The following HIVEP1 variants were observed in gnomAD, a reference collection of about 807,000 sequenced individuals.
The protein encoded by HIVEP1 is zinc finger protein 40.
In HIVEP1, 36 loss-of-function variants were observed where a neutral mutation model predicts 180.0. The ratio of observed to expected loss-of-function variants is 0.20; its 90% CI spans 0.15 to 0.26. The LOEUF (loss-of-function observed/expected upper bound fraction) is 0.26, where lower values mean the gene tolerates loss of function less well. Ranked by LOEUF, HIVEP1 falls within the 10% of genes least tolerant of loss-of-function variation. HIVEP1 has a pLI of 1.00. For missense variants in HIVEP1, 3,143 were observed against 3,268.7 expected (o/e 0.96, Z 0.94); for synonymous variants, 1,239 against 1,239.0 (o/e 1.00, Z 0.00).
At chr6:12,155,471 C>T (rs1042528810) in intron 7 of HIVEP1, among the ~76,000 whole-genome samples, 4 of 147,702 alleles carry the variant, frequency 2.7e-5, no homozygotes, top group Admixed American at 7.0e-5. Context: ...CTCGTGTTTT[C>T]GTCATTCAGC....
chr6:12,120,754 C>T lies in HIVEP1; in HGVS notation c.959C>T (p.Ala320Val). 6.2e-7 allele frequency: 1 copy of T among 1,614,158 alleles called. No individual in the cohort carries two copies. The highest frequency in any genetic ancestry group is 8.5e-7 in the Non-Finnish European group (1 of 1,180,040). The change falls in exon 4 of 9, where the codon GCC becomes GTC. Residue 320 changes from alanine (A) to valine (V), a missense_variant. Physicochemically the swap from Ala to Val is moderately conservative, Grantham distance 64. This residue lies in a region of HIVEP1 where 306 missense variants were observed against 310.6 expected (regional missense o/e 0.99). Transcript: ENST00000379388. Reference sequence around the variant, plus strand: ...ACAAATCTGCAAAATCAAGAGAATGCCAAACTTGAACAGGTTTATAATATA... The same window carrying T: ...ACAAATCTGCAAAATCAAGAGAATGTCAAACTTGAACAGGTTTATAATATA... Reference protein sequence around the residue: ...SLTNLQNQENAKLEQVYNIAV... With the variant: ...SLTNLQNQENVKLEQVYNIAV...
chr6:12,041,295 A>C (rs530317035), intron 2 of HIVEP1, among the ~76,000 whole-genome samples: 2 of 151,678 alleles, frequency 1.3e-5, no homozygotes, highest in Non-Finnish European at 2.9e-5. Context: ...GGTGGTGGGC[A>C]CCTGTAGTCC....
At chr6:12,044,856 T>A (rs1247628100) in intron 2 of HIVEP1, among the ~76,000 whole-genome samples, 1 of 152,216 alleles carries the variant, frequency 6.6e-6, no homozygotes, top group African/African-American at 2.4e-5. Context: ...GCATGTGTGT[T>A]TGCAGTGAAG....
chr6:12,014,585 T>C (rs1767616823), intron 1 of HIVEP1, among the ~76,000 whole-genome samples: 1 of 152,244 alleles, frequency 6.6e-6, no homozygotes, highest in African/African-American at 2.4e-5. Context: ...GTTTCATGTT[T>C]AACAGTGACA....
chr6:12,087,441 T>C (rs1278440577), intron 2 of HIVEP1, among the ~76,000 whole-genome samples: 1 of 152,054 alleles, frequency 6.6e-6, no homozygotes, highest in Non-Finnish European at 1.5e-5. Context: ...ACTGTGAATA[T>C]ATAATACATA....
chr6:12,027,292 T>C (rs1470488210), intron 2 of HIVEP1, among the ~76,000 whole-genome samples: 1 of 152,218 alleles, frequency 6.6e-6, no homozygotes, highest in African/African-American at 2.4e-5. Flanking sequence ...GGTACTGCTT[T>C]AGTTAGTATG....
At chr6:12,136,943 G>A (rs3777770) in intron 7 of HIVEP1, among the ~76,000 whole-genome samples, 17,365 of 152,116 alleles carry the variant, frequency 0.11, 1,125 homozygotes, top group Middle Eastern at 0.18. Flanking sequence ...AAACATTTAC[G>A]TGCTTGCTAT....
rs368428661 is a variant in HIVEP1 at position 12,163,980 on chromosome 6, G to A, written c.7676G>A (p.Ser2559Asn). 3.1e-6 allele frequency: 5 copies of A among 1,614,070 alleles called. No individual in the cohort carries two copies. Among genetic ancestry groups the A allele is most frequent in the Non-Finnish European group, 3.4e-6 (4 of 1,180,014 alleles). Reference sequence around the variant, plus strand: ...TTGCCCACCTTAATCCCCTCAGTCAGTCAAGTAGCCGTTGATGCACAGGGA... The same window carrying A: ...TTGCCCACCTTAATCCCCTCAGTCAATCAAGTAGCCGTTGATGCACAGGGA... ...IALPTLIPSV[S>N]QVAVDAQGAP... Residue 2559 changes from serine to asparagine, a missense_variant, in exon 9 of 9, where the codon AGT becomes AAT. By Grantham distance (46) the Ser-to-Asn change is conservative. Coordinates refer to ENST00000379388, the MANE Select transcript of HIVEP1 (RefSeq NM_002114.4).
Position 12,153,571 on chromosome 6 carries a change from C to CA in HIVEP1, c.6488-7846dup, listed in dbSNP as rs3070558. On this transcript the variant is annotated intron_variant, in intron 7 of 8. Coordinates refer to ENST00000379388, the MANE Select transcript of HIVEP1 (RefSeq NM_002114.4). ...CATATGTACAATAGAGTAAGAAATG[C>CA]AAAAAAAAAAAAAAAAAAAAAATAG... Among the ~76,000 whole-genome samples the CA allele has an allele frequency of 1.0e-3, 98 of 94,628 alleles. 1 individual carries two copies. The highest frequency in any genetic ancestry group is 2.1e-3 in the African/African-American group (57 of 26,546). The allele number at this position is 94,628 out of a possible 152,430, so 62.1% of individuals were successfully genotyped here. A position where few individuals can be genotyped will look rare whatever the true frequency, so the allele number is the denominator to read the frequency against.
rs1023165337 is a variant in HIVEP1 at position 12,051,393 on chromosome 6, A to T, written c.40+35725A>T. ...TTTTACAATCACAGAAAATATTTAC[A>T]TGACTCCAAAGTAGCATCTAGAAAA... On this transcript the variant is annotated intron_variant, in intron 2 of 8. Coordinates refer to ENST00000379388, the MANE Select transcript of HIVEP1 (RefSeq NM_002114.4). 4.6e-5 allele frequency among the ~76,000 whole-genome samples: 7 copies of T among 152,232 alleles called. No individual in the cohort carries two copies. In the East Asian group the frequency reaches 7.7e-4, roughly 17 times the overall value.
intron 2 of HIVEP1, among the ~76,000 whole-genome samples, chr6:12,068,810 G>A (rs1771774644): frequency 6.6e-6 from 1 of 152,070 alleles, no homozygotes. Context: ...ATTTAAATGA[G>A]TAAATAATAT....
chr6:12,026,096 C>T (rs185743540), intron 2 of HIVEP1, among the ~76,000 whole-genome samples: 4 of 151,956 alleles, frequency 2.6e-5, no homozygotes, highest in Admixed American at 2.0e-4. Context: ...GTTTGTCTTC[C>T]GGGAGCAGTG....
chr6:12,117,669 G>A (rs1035900015), intron 3 of HIVEP1, among the ~76,000 whole-genome samples: 3 of 152,202 alleles, frequency 2.0e-5, no homozygotes, highest in Non-Finnish European at 4.4e-5. Flanking sequence ...GTGAAGCAGA[G>A]CAAAACAGGC....
At chr6:12,047,049 C>T (rs568171923) in intron 2 of HIVEP1, among the ~76,000 whole-genome samples, 11 of 151,808 alleles carry the variant, frequency 7.2e-5, no homozygotes, top group South Asian at 4.2e-4. Flanking sequence ...TTAGTAGAGA[C>T]GGGGTTTCAC....
chr6:12,163,832 G>A lies in HIVEP1; in HGVS notation c.7528G>A (p.Val2510Ile). ...AGCCAATACAAATATGGCCCCACAA[G>A]TCCATCCACCAGGACTGGCTCTGAA... is the stretch of plus-strand genomic sequence containing the variant. Reference protein sequence around the residue: ...GLANTNMAPQVHPPGLALNAV... With the variant: ...GLANTNMAPQIHPPGLALNAV... Residue 2510 changes from valine (V) to isoleucine (I), a missense_variant, in exon 9 of 9, where the codon GTC (valine) becomes ATC (isoleucine). By Grantham distance (29) the Val-to-Ile change is conservative. Coordinates refer to ENST00000379388, the MANE Select transcript of HIVEP1 (RefSeq NM_002114.4). The A allele has an allele frequency of 6.2e-7, 1 of 1,614,138 alleles. No homozygotes were observed. The highest frequency in any genetic ancestry group is 8.5e-7 in the Non-Finnish European group (1 of 1,180,028).
chr6:12,121,257 G>A lies in HIVEP1; in HGVS notation c.1462G>A (p.Asp488Asn), dbSNP rs370387597. 2.0e-5 allele frequency: 33 copies of A among 1,614,030 alleles called. No homozygotes were observed. Among genetic ancestry groups the A allele is most frequent in the African/African-American group, 2.7e-5 (2 of 74,904 alleles). ...ESPKALSIHS[D>N]VEDSGESEEE... is the part of the protein sequence containing the mutation. ...CCCCAAAGCACTTAGTATTCATTCA[G>A]ACGTAGAAGACAGTGGGGAGAGCGA... Residue 488 changes from aspartate to asparagine, a missense_variant, in exon 4 of 9, where the codon GAC becomes AAC. By Grantham distance (23) the Asp-to-Asn change is conservative (BLOSUM62 1). Transcript: ENST00000379388. The surrounding 1 kb of genome is among the most constrained non-coding windows in gnomAD (Gnocchi z 5.3).
chr6:12,068,896 C>G (rs1003298989), intron 2 of HIVEP1, among the ~76,000 whole-genome samples: 1 of 152,140 alleles, frequency 6.6e-6, no homozygotes, highest in Non-Finnish European at 1.5e-5. Context: ...GGTGTTTTCT[C>G]CCTTTACTTG....
intron 3 of HIVEP1, among the ~76,000 whole-genome samples, chr6:12,093,755 A>G (rs1773627509): frequency 1.3e-5 from 2 of 152,056 alleles, no homozygotes; most frequent in African/African-American, 4.8e-5. Context: ...ATATTTTAAT[A>G]TCACAGTATG....
In HIVEP1 at chr6:12,087,370, G is replaced by A. The variant is rs191429087; in HGVS notation, c.41-1814G>A. Among the ~76,000 whole-genome samples the A allele has an allele frequency of 5.3e-5, 8 of 152,096 alleles. No individual in the cohort carries two copies. In the East Asian group the frequency reaches 1.5e-3, roughly 29 times the overall value. ...GCCACAACTGATTCTATTAAGAAAA[G>A]TTGTTTTGATTATATAATGCAAAAT... is the stretch of plus-strand genomic sequence containing the variant. On this transcript the variant is annotated intron_variant, in intron 2 of 8. Coordinates refer to ENST00000379388, the MANE Select transcript of HIVEP1 (RefSeq NM_002114.4).
Sources: allele counts gnomAD v4.1 joint callset (sites outside exome capture counted in the v4.1 genomes callset), GRCh38; gene constraint gnomAD v4.1.1; regional missense constraint gnomAD v4.1.1; non-coding constraint Gnocchi (gnomAD v3.1); transcripts MANE v1.5; gene names NCBI Gene and HGNC (gene_info 2026-07-23, HGNC 2026-07-21).